Variants in CSMD1 observed in about 807,000 individuals in gnomAD.
CSMD1 encodes CUB and Sushi multiple domains 1, also known as CUB and sushi domain-containing protein 1.
A neutral mutation model predicts 417.5 loss-of-function variants in CSMD1; 213 were observed. The ratio of observed to expected loss-of-function variants is 0.51; its 90% confidence interval spans 0.46 to 0.57. The LOEUF (loss-of-function observed/expected upper bound fraction) is 0.57. Among genes scored for constraint, CSMD1 ranks in the 20% least tolerant of loss-of-function variants. The pLI, the probability that CSMD1 is intolerant of heterozygous loss-of-function variation, is 0.00. For missense variants in CSMD1, 6,923 were observed against 4,529.7 expected (o/e 1.53, Z -15.17); for synonymous variants, 2,862 against 1,736.8 (o/e 1.65, Z -16.11).
chr8:3,708,314 C>G, intron 7 of CSMD1, 100 bp downstream of exon 7: 1 of 875,584 alleles, frequency 1.1e-6, no homozygotes, highest in East Asian at 2.5e-5. Flanking sequence ...GAAGAGATAA[C>G]GTGGGGAAGG....
At chr8:3,047,562 T>C (rs915968055) in intron 50 of CSMD1, among the ~76,000 whole-genome samples, 3 of 152,180 alleles carry the variant, frequency 2.0e-5, no homozygotes, top group African/African-American at 7.2e-5. Flanking sequence ...GCTGTGCCCA[T>C]GGAACTCACC....
intron 5 of CSMD1, among the ~76,000 whole-genome samples, chr8:3,835,335 C>T (rs13254310): frequency 0.38 from 57,596 of 151,716 alleles, 11,612 homozygotes; most frequent in African/African-American, 0.52. Flanking sequence ...CCAACAACGA[C>T]AGACTGGATT....
intron 12 of CSMD1, among the ~76,000 whole-genome samples, chr8:3,463,292 G>C (rs909384516): frequency 6.6e-6 from 1 of 152,076 alleles, no homozygotes. Context: ...ACCAACTCAG[G>C]CTCTGCTTCC....
At position 3,396,188 on chromosome 8, in the gene CSMD1, ACTCACTCT is replaced by A; in HGVS notation, c.2591_2593+5del. 1 of 1,555,890 alleles carries A rather than the reference ACTCACTCT, an allele frequency of 6.4e-7. No homozygotes were observed. Among genetic ancestry groups the A allele is most frequent in the Non-Finnish European group, 8.7e-7 (1 of 1,149,892 alleles). On this transcript the variant is annotated splice_donor_variant and splice_donor_5th_base_variant and coding_sequence_variant and intron_variant, in exon 17 of 70. Coordinates refer to ENST00000635120, the MANE Select transcript of CSMD1 (RefSeq NM_033225.6). LOFTEE classifies it high-confidence loss of function. ...TGCCGGGCTGTCAAGGGAAGGTGCAACTCACTCTCATAGTGGATGAGGAAGCCGATGCT... is the reference window on the plus strand; with the variant it reads ...TGCCGGGCTGTCAAGGGAAGGTGCAACATAGTGGATGAGGAAGCCGATGCT...
intron 6 of CSMD1, among the ~76,000 whole-genome samples, chr8:3,750,469 G>C (rs1369705245): frequency 3.3e-5 from 5 of 151,750 alleles, no homozygotes; most frequent in Admixed American, 3.3e-4. Context: ...TATTATTGTT[G>C]TCTTATTAGT....
intron 7 of CSMD1, among the ~76,000 whole-genome samples, chr8:3,658,744 C>T (rs1468228619): frequency 1.3e-5 from 2 of 152,092 alleles, no homozygotes; most frequent in African/African-American, 4.8e-5. Context: ...GATCGTGCCA[C>T]TGAACTTCAG....
intron 4 of CSMD1, among the ~76,000 whole-genome samples, chr8:4,026,885 T>A (rs1797090396): frequency 6.6e-6 from 1 of 152,286 alleles, no homozygotes; most frequent in Non-Finnish European, 1.5e-5. Context: ...TGGCAAGGTG[T>A]AGTATGCTGC....
intron 2 of CSMD1, among the ~76,000 whole-genome samples, chr8:4,442,821 A>G (rs1319678933): frequency 1.3e-5 from 2 of 152,204 alleles, no homozygotes; most frequent in African/African-American, 4.8e-5. Context: ...TAAAACTGAA[A>G]TATGTAAGTT....
At chr8:3,716,759 G>T (rs146831662) in intron 6 of CSMD1, among the ~76,000 whole-genome samples, 1 of 152,106 alleles carries the variant, frequency 6.6e-6, no homozygotes, top group African/African-American at 2.4e-5. Flanking sequence ...TGGTTCAAAC[G>T]CCTCTTGACA....
At chr8:3,967,824 G>C (rs1812787921) in intron 5 of CSMD1, among the ~76,000 whole-genome samples, 2 of 151,944 alleles carry the variant, frequency 1.3e-5, no homozygotes, top group African/African-American at 2.4e-5. Flanking sequence ...TACGCTTATA[G>C]ATAAGGAAAG....
At chr8:3,301,836 C>CTAAAG (rs925853435) in intron 25 of CSMD1, among the ~76,000 whole-genome samples, 3 of 151,956 alleles carry the variant, frequency 2.0e-5, no homozygotes, top group Non-Finnish European at 1.5e-5. Flanking sequence ...TGAGAGAAGA[C>CTAAAG]TAAAGTAACA....
chr8:4,746,898 A>G (rs1810990362), intron 1 of CSMD1, among the ~76,000 whole-genome samples: 1 of 152,230 alleles, frequency 6.6e-6, no homozygotes, highest in Non-Finnish European at 1.5e-5. Flanking sequence ...CTTAGATCAT[A>G]AAAGAATTGT....
intron 50 of CSMD1, among the ~76,000 whole-genome samples, chr8:3,039,676 C>A (rs577447727): frequency 1.6e-4 from 24 of 152,176 alleles, no homozygotes; most frequent in African/African-American, 5.5e-4. Flanking sequence ...ATTTTACAAC[C>A]TTTAAGAAAT....
chr8:3,791,923 C>A (rs1452051606), intron 5 of CSMD1, among the ~76,000 whole-genome samples: 1 of 152,110 alleles, frequency 6.6e-6, no homozygotes, highest in Non-Finnish European at 1.5e-5. Flanking sequence ...GCAAAAACCT[C>A]AATAGCGTTT....
intron 26 of CSMD1, among the ~76,000 whole-genome samples, chr8:3,258,260 C>T (rs1295537168): frequency 6.6e-6 from 1 of 152,106 alleles, no homozygotes; most frequent in Non-Finnish European, 1.5e-5. Flanking sequence ...ACGACAAAAA[C>T]AACCCCATTA....
At chr8:4,264,056 C>G (rs148042069) in intron 3 of CSMD1, among the ~76,000 whole-genome samples, 1 of 152,230 alleles carries the variant, frequency 6.6e-6, no homozygotes, top group East Asian at 1.9e-4. Context: ...TTGTTAACTA[C>G]CTGAGCCTCA....
At chr8:3,592,040 A>G (rs1457139775) in intron 8 of CSMD1, among the ~76,000 whole-genome samples, 1 of 152,178 alleles carries the variant, frequency 6.6e-6, no homozygotes, top group Non-Finnish European at 1.5e-5. Flanking sequence ...TAGATGACAG[A>G]CGAATAGATG....
chr8:4,100,589 G>C (rs1040089669), intron 3 of CSMD1, among the ~76,000 whole-genome samples: 2 of 152,158 alleles, frequency 1.3e-5, no homozygotes, highest in South Asian at 2.1e-4. Flanking sequence ...CTGGGAGGTG[G>C]TAAGAGCTCA....
chr8:3,538,835 T>G (rs1220529696), intron 10 of CSMD1, among the ~76,000 whole-genome samples: 1 of 152,174 alleles, frequency 6.6e-6, no homozygotes, highest in Admixed American at 6.5e-5. Context: ...TCCTCTCACC[T>G]GGAGTGCTGC....
Sources: allele counts gnomAD v4.1 joint callset (sites outside exome capture counted in the v4.1 genomes callset), GRCh38; gene constraint gnomAD v4.1.1; transcripts MANE v1.5; gene names NCBI Gene and HGNC (gene_info 2026-07-23, HGNC 2026-07-21).